The following ARHGEF7 variants were observed in gnomAD, a reference collection of about 807,000 sequenced individuals.
ARHGEF7 encodes the protein PAK-interacting exchange factor beta.
In ARHGEF7, 33 loss-of-function variants were observed where a neutral mutation model predicts 109.8. That is an observed-to-expected ratio of 0.30 (90% CI 0.23 to 0.40). The LOEUF (loss-of-function observed/expected upper bound fraction) is 0.40. ARHGEF7 is among the 10% of genes least tolerant of loss of function. The pLI is 1.00. For missense variants in ARHGEF7, 938 were observed against 1,098.5 expected, an observed-to-expected ratio of 0.85 and a Z score of 2.07; for synonymous variants, 458 against 424.6, an observed-to-expected ratio of 1.08 and a Z score of -0.97.
At chr13:111,134,920 G>A (rs1422413297) in intron 1 of ARHGEF7, among the ~76,000 whole-genome samples, 1 of 152,138 alleles carries the variant, frequency 6.6e-6, no homozygotes, top group Admixed American at 6.5e-5. Flanking sequence ...GGTTTTTATG[G>A]TTTTAGGTCT....
intron 2 of ARHGEF7, among the ~76,000 whole-genome samples, chr13:111,163,704 T>C (rs556205998): frequency 6.6e-6 from 1 of 152,204 alleles, no homozygotes; most frequent in East Asian, 1.9e-4. Flanking sequence ...TGGCTAATTT[T>C]TGTATTTTTT....
intron 1 of ARHGEF7, among the ~76,000 whole-genome samples, chr13:111,134,224 G>A (rs1156334867): frequency 6.6e-6 from 1 of 152,118 alleles, no homozygotes; most frequent in East Asian, 1.9e-4. Flanking sequence ...CCAAGTCTTT[G>A]CTATTGTGAG....
At chr13:111,124,060 T>C (rs1319334392) in intron 1 of ARHGEF7, among the ~76,000 whole-genome samples, 1 of 152,252 alleles carries the variant, frequency 6.6e-6, no homozygotes, top group African/African-American at 2.4e-5. Context: ...CTAAAAGTTC[T>C]TTTTTCTCGT....
At chr13:111,138,510 C>A (rs933782354) in intron 1 of ARHGEF7, among the ~76,000 whole-genome samples, 1 of 152,012 alleles carries the variant, frequency 6.6e-6, no homozygotes, top group Non-Finnish European at 1.5e-5. Context: ...CACAGCTGGG[C>A]GAACGGCTGC....
chr13:111,252,937 G>T (rs1207135881), intron 8 of ARHGEF7, among the ~76,000 whole-genome samples: 1 of 152,266 alleles, frequency 6.6e-6, no homozygotes, highest in African/African-American at 2.4e-5. Flanking sequence ...AGGCCTGGCA[G>T]CTTCTCACCC....
intron 1 of ARHGEF7, among the ~76,000 whole-genome samples, chr13:111,125,035 C>T (rs2067465650): frequency 6.6e-6 from 1 of 152,170 alleles, no homozygotes; most frequent in African/African-American, 2.4e-5. Flanking sequence ...GCTGGGATTA[C>T]AGGTGTGAGC....
chr13:111,294,690 G>GA, intron 19 of ARHGEF7: 1 of 985,458 alleles, frequency 1.0e-6, no homozygotes, highest in Non-Finnish European at 1.2e-6. Context: ...GTGGCATCCA[G>GA]AGGGCCATTG....
In ARHGEF7 at chr13:111,300,779, G is replaced by A. The variant is rs373579301; in HGVS notation, c.2343G>A (p.Leu781=). 1.9e-6 allele frequency: 3 copies of A among 1,611,410 alleles called. No individual in the cohort carries two copies. Among genetic ancestry groups the A allele is most frequent in the African/African-American group, 1.3e-5 (1 of 74,762 alleles). ...RSRKESAPQV[L]LPEEEKIIVE... is the part of the protein sequence containing the mutation. ...GCAAAGAATCTGCTCCACAAGTTTT[G>A]CTTCCAGAAGAAGAGAAAATTATAG... The change falls in exon 20 of 22, where the codon TTG becomes TTA. Residue 781 remains leucine (L), a synonymous_variant. Transcript: ENST00000646102.
At chr13:111,197,151 C>T (rs1273997098) in intron 2 of ARHGEF7, among the ~76,000 whole-genome samples, 6 of 151,704 alleles carry the variant, frequency 4.0e-5, no homozygotes, top group South Asian at 2.1e-4. Flanking sequence ...GGAATAGTTG[C>T]GCTCACCGAC....
chr13:111,249,628 G>A (rs1447167490), intron 8 of ARHGEF7, among the ~76,000 whole-genome samples: 3 of 152,122 alleles, frequency 2.0e-5, no homozygotes, highest in African/African-American at 4.8e-5. Flanking sequence ...GTCCTTGTCT[G>A]TACCTATGAA....
At chr13:111,220,669 T>C (rs2083719144) in intron 5 of ARHGEF7, among the ~76,000 whole-genome samples, 1 of 152,166 alleles carries the variant, frequency 6.6e-6, no homozygotes, top group African/African-American at 2.4e-5. Context: ...TTGAGTGGAC[T>C]GTGGGCCCTT....
rs1490503529 is a variant in ARHGEF7 at position 111,221,398 on chromosome 13, T to TAGAC, written c.670+3519_670+3520insGACA. ...ATATCTATATATATAGATGTCTATATATCTATATATATAGATGTCTATATA... is the reference window on the plus strand; with the variant it reads ...ATATCTATATATATAGATGTCTATATAGACATCTATATATATAGATGTCTATATA... On this transcript the variant is annotated intron_variant, in intron 5 of 21. Coordinates refer to ENST00000646102, the MANE Select transcript of ARHGEF7 (RefSeq NM_001354046.2). Among the ~76,000 whole-genome samples the TAGAC allele has an allele frequency of 6.2e-4, 20 of 32,200 alleles. 1 individual carries two copies. Among genetic ancestry groups the TAGAC allele is most frequent in the African/African-American group, 8.4e-4 (9 of 10,712 alleles). The allele number at this position is 32,200 out of a possible 152,430, so 21.1% of individuals were successfully genotyped here.
chr13:111,222,645 T>C (rs1228999690), intron 5 of ARHGEF7, among the ~76,000 whole-genome samples: 1 of 152,192 alleles, frequency 6.6e-6, no homozygotes, highest in East Asian at 1.9e-4. Flanking sequence ...GGCAGGCTGG[T>C]CTTGAACTTC....
intron 2 of ARHGEF7, among the ~76,000 whole-genome samples, chr13:111,160,123 G>A (rs1352457653): frequency 6.6e-6 from 1 of 152,136 alleles, no homozygotes; most frequent in Non-Finnish European, 1.5e-5. Context: ...TTTTCCCATT[G>A]GGTGTTCTTG....
Position 111,273,862 on chromosome 13 carries a change from G to T in ARHGEF7, c.1122G>T (p.Gly374=). The change falls in exon 10 of 22, where the codon GGG becomes GGT. Residue 374 remains glycine, a synonymous_variant. Coordinates refer to ENST00000646102, the MANE Select transcript of ARHGEF7 (RefSeq NM_001354046.2). This position sits in a 1 kb window ranked among gnomAD's most constrained non-coding sequence, Gnocchi z 4.5. Reference sequence around the variant, plus strand: ...AGACCAAAGGTGCCAGCAGCCCTGGGATTCTCGTGCTGACCACGGGCCTGA... The same window carrying T: ...AGACCAAAGGTGCCAGCAGCCCTGGTATTCTCGTGCTGACCACGGGCCTGA... ...FMETKGASSP[G]ILVLTTGLSK... 1 of 1,614,178 alleles carries T rather than the reference G, an allele frequency of 6.2e-7. No homozygotes were observed. The highest frequency in any genetic ancestry group is 8.5e-7 in the Non-Finnish European group (1 of 1,180,030).
intron 2 of ARHGEF7, among the ~76,000 whole-genome samples, chr13:111,196,874 A>G (rs1245975714): frequency 1.3e-5 from 2 of 152,194 alleles, no homozygotes; most frequent in African/African-American, 4.8e-5. Flanking sequence ...GCTGCAGGAT[A>G]GTATTGTAAT....
chr13:111,285,808 T>C (rs2092995472), intron 16 of ARHGEF7, among the ~76,000 whole-genome samples: 2 of 152,018 alleles, frequency 1.3e-5, no homozygotes, highest in South Asian at 4.2e-4. Flanking sequence ...CCTCTCCTCC[T>C]CCCTCAGGAG....
chr13:111,190,955 C>T (rs2079816875), intron 2 of ARHGEF7, among the ~76,000 whole-genome samples: 1 of 152,088 alleles, frequency 6.6e-6, no homozygotes, highest in South Asian at 2.1e-4. Context: ...CTGAGTGGCT[C>T]CCTGTGTTCT....
chr13:111,137,903 GT>G (rs2075160635), intron 1 of ARHGEF7, among the ~76,000 whole-genome samples: 1 of 152,190 alleles, frequency 6.6e-6, no homozygotes, highest in Non-Finnish European at 1.5e-5. Context: ...AAGTCACACT[GT>G]TTTAGGTAAA....
Sources: allele counts gnomAD v4.1 joint callset (sites outside exome capture counted in the v4.1 genomes callset), GRCh38; gene constraint gnomAD v4.1.1; non-coding constraint Gnocchi (gnomAD v3.1); transcripts MANE v1.5; gene names NCBI Gene and HGNC (gene_info 2026-07-23, HGNC 2026-07-21).